Variants in NAV3 observed in about 807,000 individuals in gnomAD.
NAV3 encodes neuron navigator 3.
NAV3 carries 87 observed loss-of-function variants against 244.7 expected under a neutral mutation model. The ratio of observed to expected loss-of-function variants is 0.36; its 90% CI spans 0.30 to 0.42. The LOEUF (loss-of-function observed/expected upper bound fraction) is 0.42. Among genes scored for constraint, NAV3 ranks in the 20% least tolerant of loss-of-function variants. The pLI is 1.00. For synonymous variants in NAV3, 1,126 were observed against 1,042.2 expected (o/e 1.08, Z -1.55); for missense variants, 2,663 against 2,893.3 (o/e 0.92, Z 1.83).
At chr12:78,050,354 C>G (rs1382399510) in intron 10 of NAV3, among the ~76,000 whole-genome samples, 1 of 152,122 alleles carries the variant, frequency 6.6e-6, no homozygotes, top group Non-Finnish European at 1.5e-5. Flanking sequence ...CAACTACCAC[C>G]ATCACTGTTA....
intron 2 of NAV3, among the ~76,000 whole-genome samples, chr12:77,646,479 T>G (rs2136972191): frequency 6.6e-6 from 1 of 152,222 alleles, no homozygotes; most frequent in South Asian, 2.1e-4. Flanking sequence ...TCTCTTTCTT[T>G]CCCTTAAACC....
intron 2 of NAV3, among the ~76,000 whole-genome samples, chr12:77,603,494 G>C (rs971393948): frequency 6.6e-5 from 10 of 151,886 alleles, no homozygotes; most frequent in African/African-American, 2.4e-4. Flanking sequence ...AGGGCCTGCA[G>C]TATGACATGA....
chr12:78,066,563 C>T (rs1885046364), intron 12 of NAV3, among the ~76,000 whole-genome samples: 1 of 152,016 alleles, frequency 6.6e-6, no homozygotes, highest in African/African-American at 2.4e-5. Flanking sequence ...AACAAAGATA[C>T]CTTTCAAGCT....
chr12:77,948,688 A>C (rs3953190), intron 3 of NAV3, among the ~76,000 whole-genome samples: 102,737 of 132,480 alleles, frequency 0.78, 38,334 homozygotes, highest in East Asian at 0.81. Context: ...TTGCCCCCCC[A>C]CCACTGCCAA....
At chr12:78,047,646 C>T in intron 9 of NAV3, among the ~76,000 whole-genome samples, 1 of 152,162 alleles carries the variant, frequency 6.6e-6, no homozygotes, top group Non-Finnish European at 1.5e-5. Flanking sequence ...AACATTTTTT[C>T]CTGCATTTCA....
Position 77,706,895 on chromosome 12 carries a change from CAAAAA to C in NAV3, c.72+134638_72+134642del, listed in dbSNP as rs1241435051. Among the ~76,000 whole-genome samples the C allele has an allele frequency of 2.5e-4, 25 of 100,250 alleles. 1 individual carries two copies. The South Asian group carries it at 7.9e-3, about 32-fold the overall frequency. 65.8% of individuals were successfully genotyped at this position (100,250 alleles called of 152,430 possible). On this transcript the variant is annotated intron_variant, in intron 2 of 8. Coordinates refer to the NAV3 transcript ENST00000550042. The stretch of plus-strand genomic sequence containing the variant: ...CAAAAAAAAAAAAAAAAAAAAAAAC[CAAAAA>C]AAAAAAAACTAGGAAAAAAAGCATG...
intron 2 of NAV3, among the ~76,000 whole-genome samples, chr12:77,731,972 C>A (rs190423051): frequency 7.6e-4 from 115 of 151,764 alleles, no homozygotes; most frequent in African/African-American, 2.6e-3. Flanking sequence ...ATGGGAGGAG[C>A]TCGAATAGGT....
At chr12:77,870,147 A>T (rs532284871) in intron 1 of NAV3, among the ~76,000 whole-genome samples, 106 of 152,148 alleles carry the variant, frequency 7.0e-4, no homozygotes, top group African/African-American at 2.5e-3. Context: ...CTGGTGGATC[A>T]TGAGGCCAAG....
rs551762077 is a variant in NAV3, at chr12:77,785,037, C to T, written c.73-155282C>T. 1.4e-4 allele frequency among the ~76,000 whole-genome samples: 22 copies of T among 152,146 alleles called. No individual in the cohort carries two copies. The East Asian group carries it at 2.3e-3, about 16-fold the overall frequency. On this transcript the variant is annotated intron_variant, in intron 2 of 8. Transcript: ENST00000550042. ...TCAGTCAGGAATCTTAGCATTAAGC[C>T]GCAGAAGCTGACTCACAAAAGCAAA...
chr12:77,655,985 AC>A (rs1873080761), intron 2 of NAV3, among the ~76,000 whole-genome samples: 1 of 144,356 alleles, frequency 6.9e-6, no homozygotes, highest in Non-Finnish European at 1.5e-5. Context: ...AACAAACAGT[AC>A]CAGCTGCTGC....
chr12:78,018,492 A>C (rs1459142290), intron 8 of NAV3, among the ~76,000 whole-genome samples: 1 of 152,208 alleles, frequency 6.6e-6, no homozygotes, highest in Non-Finnish European at 1.5e-5. Context: ...TCTTAGATGG[A>C]GATAGAATCT....
Position 78,118,294 on chromosome 12 carries a change from C to G in NAV3, c.3037C>G (p.Pro1013Ala), listed in dbSNP as rs2138577334. ...QKAGTSALKTPGKTDDAKASE... is the reference protein window; with the variant it reads ...QKAGTSALKTAGKTDDAKASE... The stretch of plus-strand genomic sequence containing the variant: ...AGCTGGAACAAGTGCACTCAAAACA[C>G]CCGGTAGGCTTGTCGTTTGCCAGCT... Residue 1013 changes from proline (P) to alanine (A), a missense_variant, in exon 14 of 40, where the codon CCC becomes GCC. This residue lies in a region of NAV3 where 1,521 missense variants were observed against 1,497.0 expected (regional missense o/e 1.02). Coordinates refer to ENST00000397909, the MANE Select transcript of NAV3 (RefSeq NM_001024383.2). 2 of 1,593,030 alleles carry G rather than the reference C, an allele frequency of 1.3e-6. No individual in the cohort carries two copies. The highest frequency in any genetic ancestry group is 1.7e-6 in the Non-Finnish European group (2 of 1,166,296).
In NAV3 at chr12:77,771,099, C is replaced by T. The variant is rs1328650792; in HGVS notation, c.73-169220C>T. 1.4e-4 allele frequency among the ~76,000 whole-genome samples: 21 copies of T among 152,036 alleles called. 1 individual carries two copies. Among genetic ancestry groups the T allele is most frequent in the Non-Finnish European group, 2.1e-4 (14 of 68,002 alleles). ...ACAAACAACCCCATCAAAAAGTGGG[C>T]GAAGGATATGAACAGACACTTCTCA... On this transcript the variant is annotated intron_variant, in intron 2 of 8. Transcript: ENST00000550042.
At chr12:77,978,907 T>G (rs1387956050) in intron 5 of NAV3, among the ~76,000 whole-genome samples, 1 of 151,960 alleles carries the variant, frequency 6.6e-6, no homozygotes, top group Non-Finnish European at 1.5e-5. Context: ...AAATTACATC[T>G]CAATACATTC....
chr12:77,680,867 A>G lies in NAV3; in HGVS notation c.72+108601A>G, dbSNP rs558130006. ...AAGGAAGAGTCACATATGGACACCA[A>G]GAAAGAGTACTCAATAGCATTTTTT... On this transcript the variant is annotated intron_variant, in intron 2 of 8. Coordinates refer to the NAV3 transcript ENST00000550042. Among the ~76,000 whole-genome samples, 5 of 152,334 alleles carry G rather than the reference A, an allele frequency of 3.3e-5. No homozygotes were observed. In the South Asian group the frequency reaches 6.2e-4, roughly 19 times the overall value.
At chr12:77,919,875 T>C (rs1429080151) in intron 1 of NAV3, among the ~76,000 whole-genome samples, 2 of 152,014 alleles carry the variant, frequency 1.3e-5, no homozygotes, top group African/African-American at 2.4e-5. Flanking sequence ...GATTGTTTGG[T>C]GACCTTTTGT....
chr12:78,030,181 A>G (rs1202670326), intron 9 of NAV3, among the ~76,000 whole-genome samples: 4 of 152,162 alleles, frequency 2.6e-5, no homozygotes, highest in Non-Finnish European at 5.9e-5. Flanking sequence ...CTGATAAGGG[A>G]TATTAAGCCT....
intron 2 of NAV3, among the ~76,000 whole-genome samples, chr12:77,704,813 T>A (rs1266622042): frequency 1.3e-5 from 2 of 152,224 alleles, no homozygotes; most frequent in Non-Finnish European, 2.9e-5. Flanking sequence ...TTTATTCATA[T>A]TTCTCTTCTC....
chr12:77,607,258 G>T, intron 2 of NAV3, among the ~76,000 whole-genome samples: 1 of 151,968 alleles, frequency 6.6e-6, no homozygotes, highest in East Asian at 1.9e-4. Context: ...GTTATAATGG[G>T]CAGTTTTATC....
Sources: gnomAD v4.1 joint callset for allele counts (sites outside exome capture counted in the v4.1 genomes callset) on GRCh38, gnomAD v4.1.1 for gene constraint, gnomAD v4.1.1 regional missense constraint, MANE v1.5 for transcripts, NCBI Gene and HGNC (gene_info 2026-07-23, HGNC 2026-07-21) for gene names.